BLVRA: variants seen among roughly 807,000 people sequenced by gnomAD.
The protein encoded by BLVRA is biliverdin reductase A.
A neutral mutation model predicts 32.8 loss-of-function variants in BLVRA; 22 were observed. The ratio of observed to expected loss-of-function variants is 0.67; its 90% CI spans 0.48 to 0.96. BLVRA has a LOEUF of 0.96. Among genes scored for constraint, BLVRA ranks in the 40% least tolerant of loss-of-function variants. The probability of loss-of-function intolerance (pLI) is 0.00; values close to 1 mark genes in which losing one functional copy is unlikely to be tolerated. For missense variants in BLVRA, 323 were observed against 358.1 expected (o/e 0.90, Z 0.79); for synonymous variants, 119 against 141.3 (o/e 0.84, Z 1.12).
intron 2 of BLVRA, among the ~76,000 whole-genome samples, chr7:43,772,250 A>G (rs2095755403): frequency 6.6e-6 from 1 of 152,254 alleles, no homozygotes; most frequent in Non-Finnish European, 1.5e-5. Context: ...CCCATGTGGC[A>G]GCAAGATGGC....
chr7:43,788,019 T>C lies in BLVRA; in HGVS notation c.128T>C (p.Val43Ala). ...GCGTTCCTGAACCTGATTGGCTTCG[T>C]GTCGAGGTGGCTCACAATGTCTTTG... ...SSAFLNLIGFVSRRELGSIDG... is the reference protein window; with the variant it reads ...SSAFLNLIGFASRRELGSIDG... The change falls in exon 3 of 8, where the codon GTG becomes GCG. Residue 43 changes from valine to alanine, a missense_variant. By Grantham distance (64) the Val-to-Ala change is moderately conservative. Transcript: ENST00000265523. 1 of 1,614,174 alleles carries C rather than the reference T, an allele frequency of 6.2e-7. No individual in the cohort carries two copies. The highest frequency in any genetic ancestry group is 8.5e-7 in the Non-Finnish European group (1 of 1,180,028).
intron 7 of BLVRA, among the ~76,000 whole-genome samples, chr7:43,805,939 T>C (rs1376219694): frequency 6.6e-6 from 1 of 152,202 alleles, no homozygotes; most frequent in African/African-American, 2.4e-5. Context: ...TTACTTATTT[T>C]TACTAGTGAG....
chr7:43,774,879 C>T (rs1005166912), intron 2 of BLVRA, among the ~76,000 whole-genome samples: 2 of 152,062 alleles, frequency 1.3e-5, no homozygotes, highest in African/African-American at 4.8e-5. Context: ...GGATTCCTAC[C>T]CATTTTATTC....
chr7:43,776,532 TA>T (rs1195589293), intron 2 of BLVRA, among the ~76,000 whole-genome samples: 1 of 152,272 alleles, frequency 6.6e-6, no homozygotes, highest in East Asian at 1.9e-4. Context: ...TCTGTTCTTT[TA>T]CATCTTCTGA....
chr7:43,785,258 A>G (rs1490805423), intron 2 of BLVRA, among the ~76,000 whole-genome samples: 1 of 150,804 alleles, frequency 6.6e-6, no homozygotes, highest in East Asian at 2.0e-4. Flanking sequence ...TTAATATTTG[A>G]TCATTAATAT....
chr7:43,783,728 T>C (rs1407871472), intron 2 of BLVRA, among the ~76,000 whole-genome samples: 1 of 152,198 alleles, frequency 6.6e-6, no homozygotes, highest in African/African-American at 2.4e-5. Flanking sequence ...TTGCTCTCCA[T>C]AAAGCAGGTT....
rs907860922 is a variant in BLVRA, at chr7:43,791,302, T to C, written c.188T>C (p.Leu63Pro). ...CAGCAGATTTCTTTGGAGGATGCTC[T>C]TTCCAGCCAAGAGGTGGAGGTCGCC... Reference protein sequence around the residue: ...GVQQISLEDALSSQEVEVAYI... With the variant: ...GVQQISLEDAPSSQEVEVAYI... Residue 63 changes from leucine to proline, a missense_variant, in exon 4 of 8, where the codon CTT (leucine) becomes CCT (proline). Coordinates refer to ENST00000265523, the MANE Select transcript of BLVRA (RefSeq NM_000712.4). The C allele has an allele frequency of 6.2e-7, 1 of 1,613,984 alleles. No individual in the cohort carries two copies. Among genetic ancestry groups the C allele is most frequent in the African/African-American group, 1.3e-5 (1 of 74,944 alleles).
chr7:43,774,814 T>C (rs1255181431), intron 2 of BLVRA, among the ~76,000 whole-genome samples: 6 of 152,228 alleles, frequency 3.9e-5, no homozygotes, highest in Non-Finnish European at 5.9e-5. Flanking sequence ...TTTTATTTCA[T>C]TGAGCAGTGG....
intron 2 of BLVRA, among the ~76,000 whole-genome samples, chr7:43,780,747 A>T (rs2095768077): frequency 6.6e-6 from 1 of 152,110 alleles, no homozygotes; most frequent in Non-Finnish European, 1.5e-5. Flanking sequence ...CTCCATCCCC[A>T]TTCTCACCCT....
In BLVRA at chr7:43,791,370, T is replaced by C. The variant is rs770694187; in HGVS notation, c.254+2T>C. On this transcript the variant is annotated splice_donor_variant, in intron 4 of 7. Transcript: ENST00000265523. LOFTEE classifies it high-confidence loss of function. ...CTCCAGCCATGAGGACTACATCAGG[T>C]GGGTTTTCCACACAGGCAGTCCTTG... 3.1e-6 allele frequency: 5 copies of C among 1,613,984 alleles called. No homozygotes were observed. Among genetic ancestry groups the C allele is most frequent in the Non-Finnish European group, 4.2e-6 (5 of 1,179,998 alleles).
intron 2 of BLVRA, among the ~76,000 whole-genome samples, chr7:43,777,419 T>C: frequency 6.7e-6 from 1 of 150,338 alleles, no homozygotes; most frequent in Non-Finnish European, 1.5e-5. Flanking sequence ...TTTGGCTGGA[T>C]ATGAAATTCT....
In BLVRA at chr7:43,767,564, G is replaced by A. The variant is rs990885810; in HGVS notation, c.-21-3574G>A. 19 of 1,024,508 alleles carry A rather than the reference G, an allele frequency of 1.9e-5. No homozygotes were observed. The Admixed American group carries it at 3.3e-4, about 18-fold the overall frequency. 63.5% of individuals were successfully genotyped at this position (1,024,508 alleles called of 1,614,324 possible). ...CTTTATGTATGTGGTCTGGAATGAA[G>A]GCTCATGACAGTGACATGAAGGCAA... is the stretch of plus-strand genomic sequence containing the variant. On this transcript the variant is annotated intron_variant, in intron 1 of 7. Transcript: ENST00000265523.
At chr7:43,804,258 A>C (rs1036479180) in intron 7 of BLVRA, among the ~76,000 whole-genome samples, 1 of 152,214 alleles carries the variant, frequency 6.6e-6, no homozygotes, top group Non-Finnish European at 1.5e-5. Context: ...CCTGGCTAAC[A>C]TGGTGAAACC....
At chr7:43,767,257 G>T in intron 1 of BLVRA, 1 of 818,890 alleles carries the variant, frequency 1.2e-6, no homozygotes, top group Non-Finnish European at 2.0e-6. Context: ...CAAGTAGCCT[G>T]CCACCGAGCA....
At chr7:43,785,345 A>AG (rs940374407) in intron 2 of BLVRA, among the ~76,000 whole-genome samples, 2 of 151,724 alleles carry the variant, frequency 1.3e-5, no homozygotes, top group African/African-American at 4.8e-5. Context: ...AAAAAAAAAA[A>AG]AAGAAAAGAA....
In BLVRA at chr7:43,792,749, G is replaced by T. The variant is rs1250793447; in HGVS notation, c.289G>T (p.Glu97Ter). The T allele has an allele frequency of 1.2e-6, 2 of 1,614,184 alleles. No homozygotes were observed. The highest frequency in any genetic ancestry group is 3.3e-5 in the Admixed American group (2 of 60,030). ...TAATGCTGGCAAGCACGTCCTTGTG[G>T]AATACCCCATGACACTGTCATTGGC... ...FLNAGKHVLVEYPMTLSLAAA... is the reference protein window; with the variant it reads ...FLNAGKHVLV The change falls in exon 5 of 8, where the codon GAA becomes TAA. Residue 97 changes from glutamate to a stop codon, truncating the protein, a stop_gained. Transcript: ENST00000265523. LOFTEE classifies it high-confidence loss of function.
At chr7:43,777,952 G>A (rs1585721099) in intron 2 of BLVRA, among the ~76,000 whole-genome samples, 1 of 152,158 alleles carries the variant, frequency 6.6e-6, no homozygotes, top group Non-Finnish European at 1.5e-5. Flanking sequence ...TGAGGCTTCT[G>A]CATTCTTCAC....
chr7:43,804,663 C>A (rs2095802253), intron 7 of BLVRA, among the ~76,000 whole-genome samples: 1 of 152,180 alleles, frequency 6.6e-6, no homozygotes, highest in Non-Finnish European at 1.5e-5. Context: ...TGTGTTTCAG[C>A]TTTAGCATCC....
chr7:43,792,941 C>A, intron 5 of BLVRA, 129 bp downstream of exon 5: 1 of 867,414 alleles, frequency 1.2e-6, no homozygotes, highest in Non-Finnish European at 1.9e-6. Flanking sequence ...TCCCAACTGC[C>A]TCCTCACCCC....
Sources: allele counts gnomAD v4.1 joint callset (sites outside exome capture counted in the v4.1 genomes callset), GRCh38; gene constraint gnomAD v4.1.1; transcripts MANE v1.5; gene names NCBI Gene and HGNC (gene_info 2026-07-23, HGNC 2026-07-21).